SNX29: variants seen among roughly 807,000 people sequenced by gnomAD.
SNX29 encodes the protein sorting nexin 29.
SNX29 carries 78 observed loss-of-function variants against 102.1 expected under a neutral mutation model. That is an observed-to-expected ratio of 0.76 (90% CI 0.64 to 0.92). The LOEUF is 0.92. Ranked by LOEUF, SNX29 falls within the 40% of genes least tolerant of loss-of-function variation. The probability of loss-of-function intolerance (pLI) is 0.00; values close to 1 mark genes in which losing one functional copy is unlikely to be tolerated. For synonymous variants in SNX29, 580 were observed against 414.5 expected (o/e 1.40, Z -4.85); for missense variants, 1,280 against 1,061.7 (o/e 1.21, Z -2.86).
chr16:11,978,981 A>T (rs973470319), intron 1 of SNX29, among the ~76,000 whole-genome samples: 2 of 152,006 alleles, frequency 1.3e-5, no homozygotes, highest in Non-Finnish European at 2.9e-5. Context: ...TTTAATTAAA[A>T]AATCATTACG....
intron 15 of SNX29, among the ~76,000 whole-genome samples, chr16:12,340,730 A>C (rs2081587742): frequency 6.6e-6 from 1 of 152,174 alleles, no homozygotes; most frequent in African/African-American, 2.4e-5. Context: ...CCCCGGCAGC[A>C]AACATCTCTA....
At chr16:12,163,643 C>G (rs143967204) in intron 13 of SNX29, among the ~76,000 whole-genome samples, 46 of 152,288 alleles carry the variant, frequency 3.0e-4, no homozygotes, top group African/African-American at 8.2e-4. Context: ...AAGCTTCCCT[C>G]TATAGAAGCT....
intron 13 of SNX29, among the ~76,000 whole-genome samples, chr16:12,155,914 A>G (rs1385538790): frequency 1.3e-5 from 2 of 152,168 alleles, no homozygotes; most frequent in Non-Finnish European, 2.9e-5. Context: ...GTGGCTCCCC[A>G]CTTCCTTCGA....
At chr16:12,303,035 G>C (rs2080227963) in intron 15 of SNX29, among the ~76,000 whole-genome samples, 1 of 152,162 alleles carries the variant, frequency 6.6e-6, no homozygotes, top group Non-Finnish European at 1.5e-5. Flanking sequence ...TTTTGTTCTT[G>C]AAGTAAGCTA....
At chr16:12,556,457 G>C (rs759875853) in intron 20 of SNX29, 1 of 152,278 alleles carries the variant, frequency 6.6e-6, no homozygotes, top group Non-Finnish European at 1.5e-5. Flanking sequence ...GGAACTCTTA[G>C]GCGAAGGCCA....
In SNX29 at chr16:12,078,881, A is replaced by T. The variant is rs771999543; in HGVS notation, c.1368A>T (p.Leu456Phe). Reference protein sequence around the residue: ...PGHGSPLSSLLPSASVPESMT... With the variant: ...PGHGSPLSSLFPSASVPESMT... The stretch of plus-strand genomic sequence containing the variant: ...ACGGAAGTCCTCTGAGCAGCCTGTT[A>T]CCTTCTGCCTCAGTGCCAGAGTCCA... The change falls in exon 11 of 21, where the codon TTA becomes TTT. Residue 456 changes from leucine (L) to phenylalanine (F), a missense_variant. Coordinates refer to ENST00000566228, the MANE Select transcript of SNX29 (RefSeq NM_032167.5). 1.2e-6 allele frequency: 2 copies of T among 1,606,546 alleles called. No homozygotes were observed. Among genetic ancestry groups the T allele is most frequent in the Non-Finnish European group, 1.7e-6 (2 of 1,176,796 alleles).
chr16:12,045,873 C>T (rs1435541631), intron 5 of SNX29, among the ~76,000 whole-genome samples: 5 of 152,064 alleles, frequency 3.3e-5, no homozygotes, highest in Non-Finnish European at 5.9e-5. Flanking sequence ...GATCCTCCCC[C>T]CTGGCCTCCT....
chr16:12,556,735 G>C (rs1275055706), intron 20 of SNX29, among the ~76,000 whole-genome samples: 3 of 152,158 alleles, frequency 2.0e-5, no homozygotes, highest in Non-Finnish European at 2.9e-5. Flanking sequence ...TTTGGAATGT[G>C]AATAAAGAAA....
intron 18 of SNX29, among the ~76,000 whole-genome samples, chr16:12,421,113 G>C (rs757397167): frequency 6.6e-6 from 1 of 152,208 alleles, no homozygotes; most frequent in Non-Finnish European, 1.5e-5. Context: ...CCTTGCCTAA[G>C]GTCATAGCTG....
At chr16:12,379,940 A>C (rs1268663110) in intron 16 of SNX29, among the ~76,000 whole-genome samples, 2 of 152,094 alleles carry the variant, frequency 1.3e-5, no homozygotes, top group Non-Finnish European at 2.9e-5. Flanking sequence ...TCTGGAAGGT[A>C]CTTTTTTGGA....
At chr16:12,278,185 G>T in intron 15 of SNX29, 149 bp downstream of exon 15, 1 of 648,006 alleles carries the variant, frequency 1.5e-6, no homozygotes, top group Non-Finnish European at 2.7e-6. Flanking sequence ...CCAAATCAGT[G>T]TGCTTTATAA....
intron 15 of SNX29, among the ~76,000 whole-genome samples, chr16:12,340,665 C>T (rs1457853992): frequency 1.3e-5 from 2 of 152,234 alleles, no homozygotes; most frequent in African/African-American, 2.4e-5. Context: ...GCTAGAACTG[C>T]GAGAACAGTC....
intron 20 of SNX29, among the ~76,000 whole-genome samples, chr16:12,551,378 C>T (rs2077966290): frequency 1.3e-5 from 2 of 152,184 alleles, no homozygotes; most frequent in African/African-American, 4.8e-5. Flanking sequence ...TGCAGAACTT[C>T]CCCAACAGTA....
chr16:12,568,498 T>C lies in SNX29; in HGVS notation c.2319-8T>C. The C allele has an allele frequency of 1.2e-6, 2 of 1,609,450 alleles. No individual in the cohort carries two copies. Among genetic ancestry groups the C allele is most frequent in the Middle Eastern group, 1.6e-4 (1 of 6,062 alleles). On this transcript the variant is annotated splice_polypyrimidine_tract_variant and splice_region_variant and intron_variant, in intron 20 of 20. Transcript: ENST00000566228. ...AGACTTAACCCGATTCTCTCCCTGC[T>C]CTTTCAGCGACATCACCCCGCCCGG...
chr16:12,028,883 G>A (rs2057264786), intron 4 of SNX29, among the ~76,000 whole-genome samples: 1 of 151,770 alleles, frequency 6.6e-6, no homozygotes, highest in Admixed American at 6.6e-5. Flanking sequence ...CGAGTAGCTG[G>A]GATTACAGGT....
intron 14 of SNX29, among the ~76,000 whole-genome samples, chr16:12,256,571 G>A (rs1409776460): frequency 2.6e-5 from 4 of 152,120 alleles, no homozygotes; most frequent in African/African-American, 4.8e-5. Context: ...CAAGTGATCC[G>A]CCTGCTTCGG....
At chr16:12,101,279 G>A (rs1478865635) in intron 11 of SNX29, among the ~76,000 whole-genome samples, 1 of 134,146 alleles carries the variant, frequency 7.5e-6, no homozygotes, top group Non-Finnish European at 1.5e-5. Context: ...GTGTCCTAAT[G>A]TACCTTTGTG....
intron 1 of SNX29, 74 bp downstream of exon 1, chr16:11,976,887 C>T (rs1439953404): frequency 1.5e-6 from 2 of 1,290,928 alleles, no homozygotes; most frequent in African/African-American, 1.6e-5. Context: ...ACACTCCGGC[C>T]CCTGCGTCCT....
At chr16:12,511,863 A>G (rs1214727063) in intron 19 of SNX29, among the ~76,000 whole-genome samples, 1 of 151,924 alleles carries the variant, frequency 6.6e-6, no homozygotes, top group Non-Finnish European at 1.5e-5. Flanking sequence ...GGGACTTGAG[A>G]ACTTCAGAGT....
Sources: allele counts gnomAD v4.1 joint callset (sites outside exome capture counted in the v4.1 genomes callset), GRCh38; gene constraint gnomAD v4.1.1; transcripts MANE v1.5; gene names NCBI Gene and HGNC (gene_info 2026-07-23, HGNC 2026-07-21).